Variants in ATXN1 observed in about 807,000 individuals in gnomAD.
The protein encoded by ATXN1 is ataxin-1.
Under a neutral mutation model 56.4 loss-of-function variants are expected in ATXN1, and 8 were observed. The ratio of observed to expected loss-of-function variants is 0.14; its 90% CI spans 0.08 to 0.26. The LOEUF (loss-of-function observed/expected upper bound fraction) is 0.26, where lower values mean the gene tolerates loss of function less well. Among genes scored for constraint, ATXN1 ranks in the 10% least tolerant of loss-of-function variants. The pLI is 1.00. For synonymous variants in ATXN1, 514 were observed against 494.6 expected, an observed-to-expected ratio of 1.04 and a Z score of -0.52; for missense variants, 987 against 1,106.5, an observed-to-expected ratio of 0.89 and a Z score of 1.53.
At chr6:16,656,891 C>T (rs747688625) in intron 3 of ATXN1, among the ~76,000 whole-genome samples, 1 of 151,930 alleles carries the variant, frequency 6.6e-6, no homozygotes, top group African/African-American at 2.4e-5. Context: ...GTAGTGAATA[C>T]TGTAGGCAAC....
chr6:16,322,598 C>T (rs1760679600), intron 7 of ATXN1, among the ~76,000 whole-genome samples: 1 of 152,212 alleles, frequency 6.6e-6, no homozygotes, highest in Non-Finnish European at 1.5e-5. Flanking sequence ...GCAGTGTCAG[C>T]AGTGCCTAAC....
intron 4 of ATXN1, among the ~76,000 whole-genome samples, chr6:16,545,510 G>A (rs770839521): frequency 5.9e-5 from 9 of 152,012 alleles, no homozygotes; most frequent in Non-Finnish European, 1.2e-4. Context: ...ATGCCATCTA[G>A]ACCATAAGGA....
chr6:16,339,362 T>A (rs978296500), intron 6 of ATXN1, among the ~76,000 whole-genome samples: 4 of 152,144 alleles, frequency 2.6e-5, no homozygotes, highest in African/African-American at 9.7e-5. Context: ...CTGTCCTTGG[T>A]GTGGCTGAAT....
rs1390703475 is a variant in ATXN1 at position 16,633,201 on chromosome 6, TTG to T, written c.-489+24573_-489+24574del. On this transcript the variant is annotated intron_variant, in intron 3 of 7. Coordinates refer to ENST00000436367, the MANE Select transcript of ATXN1 (RefSeq NM_001128164.2). ...AAGGAGGCATGTTTCACCTGTTAAC[TTG>T]TTTACTTCATAAGATTCTCTTGTTG... Among the ~76,000 whole-genome samples, 9 of 152,330 alleles carry T rather than the reference TTG, an allele frequency of 5.9e-5. 2 individuals carry two copies. The South Asian group carries it at 1.9e-3, about 32-fold the overall frequency.
intron 6 of ATXN1, among the ~76,000 whole-genome samples, chr6:16,442,995 G>A (rs1195747354): frequency 1.3e-5 from 2 of 151,732 alleles, no homozygotes; most frequent in African/African-American, 4.8e-5. Context: ...CCGGGTGACA[G>A]AGCAAGGCTT....
intron 7 of ATXN1, among the ~76,000 whole-genome samples, chr6:16,317,585 A>G (rs1037364416): frequency 5.3e-5 from 8 of 152,148 alleles, no homozygotes; most frequent in African/African-American, 1.9e-4. Context: ...TCGGCCTCCC[A>G]AAGTGCTGGG....
rs1051746472 is a variant in ATXN1, at chr6:16,541,008, A to G, written c.-360-18320T>C. On this transcript the variant is annotated intron_variant, in intron 4 of 7. Transcript: ENST00000436367. Reference sequence around the variant, plus strand: ...TGTCTAAGGTCATATTGCTTTGAATATGAGCTCATCGTAACTAAACCAGTG... The same window carrying G: ...TGTCTAAGGTCATATTGCTTTGAATGTGAGCTCATCGTAACTAAACCAGTG... Among the ~76,000 whole-genome samples the G allele has an allele frequency of 2.0e-5, 3 of 152,254 alleles. No homozygotes were observed. In the East Asian group the frequency reaches 5.8e-4, roughly 29 times the overall value.
intron 3 of ATXN1, among the ~76,000 whole-genome samples, chr6:16,620,158 G>T (rs145546250): frequency 6.6e-6 from 1 of 151,806 alleles, no homozygotes; most frequent in Non-Finnish European, 1.5e-5. Context: ...GAGAAACCTT[G>T]ATCTTATTTC....
chr6:16,612,613 G>A (rs1416809305), intron 3 of ATXN1, among the ~76,000 whole-genome samples: 5 of 152,068 alleles, frequency 3.3e-5, no homozygotes, highest in Non-Finnish European at 7.4e-5. Flanking sequence ...AAAAGGGGGT[G>A]GGACACGGTG....
chr6:16,590,341 G>T (rs1319595360), intron 3 of ATXN1, among the ~76,000 whole-genome samples: 2 of 152,138 alleles, frequency 1.3e-5, no homozygotes, highest in Non-Finnish European at 2.9e-5. Flanking sequence ...AAAAAAATAA[G>T]AATGAATTGT....
intron 6 of ATXN1, among the ~76,000 whole-genome samples, chr6:16,455,971 T>C (rs990684436): frequency 6.6e-6 from 1 of 151,986 alleles, no homozygotes; most frequent in Non-Finnish European, 1.5e-5. Context: ...CAGGGAGGAT[T>C]GAAAAAAATG....
chr6:16,393,670 CT>C (rs1758399534), intron 6 of ATXN1, among the ~76,000 whole-genome samples: 1 of 152,174 alleles, frequency 6.6e-6, no homozygotes, highest in South Asian at 2.1e-4. Flanking sequence ...GTTTTAAGTC[CT>C]GTTCGGAAAC....
At chr6:16,580,038 T>C (rs1274834902) in intron 4 of ATXN1, among the ~76,000 whole-genome samples, 1 of 152,220 alleles carries the variant, frequency 6.6e-6, no homozygotes, top group Non-Finnish European at 1.5e-5. Context: ...TTTTGGCATA[T>C]AGCTGCTTCT....
At chr6:16,540,860 A>G (rs939290658) in intron 4 of ATXN1, among the ~76,000 whole-genome samples, 4 of 152,216 alleles carry the variant, frequency 2.6e-5, no homozygotes, top group African/African-American at 7.2e-5. Flanking sequence ...CCGTGTTCAT[A>G]GAGTGAAGGT....
At chr6:16,348,154 C>T (rs565481138) in intron 6 of ATXN1, among the ~76,000 whole-genome samples, 5 of 152,282 alleles carry the variant, frequency 3.3e-5, no homozygotes, top group African/African-American at 4.8e-5. Context: ...ACTGTAGCCT[C>T]GACCTCCCTG....
intron 6 of ATXN1, among the ~76,000 whole-genome samples, chr6:16,401,293 T>A (rs1454321559): frequency 6.6e-6 from 1 of 152,156 alleles, no homozygotes; most frequent in Non-Finnish European, 1.5e-5. Flanking sequence ...TCATAAAAGA[T>A]TCAATGTGCC....
At chr6:16,548,185 A>G (rs917540683) in intron 4 of ATXN1, among the ~76,000 whole-genome samples, 7 of 152,250 alleles carry the variant, frequency 4.6e-5, no homozygotes, top group African/African-American at 1.4e-4. Flanking sequence ...GTATTTGTGC[A>G]TTCAAACATA....
chr6:16,592,507 C>T (rs1250042048), intron 3 of ATXN1, among the ~76,000 whole-genome samples: 2 of 152,118 alleles, frequency 1.3e-5, no homozygotes, highest in African/African-American at 4.8e-5. Context: ...CACAGTTAGA[C>T]GTATTAGTCA....
rs1243206488 is a variant in ATXN1 at position 16,308,322 on chromosome 6, T to TCTCACACACA, written c.1918-1464_1918-1463insTGTGTGTGAG. The stretch of plus-strand genomic sequence containing the variant: ...GCCTGGGCGACAGAGTGAAACTCCG[T>TCTCACACACA]CACACACACACACACACACACACAC... On this transcript the variant is annotated intron_variant, in intron 7 of 7. Transcript: ENST00000436367. Among the ~76,000 whole-genome samples the TCTCACACACA allele has an allele frequency of 1.1e-3, 151 of 132,726 alleles. 3 individuals are homozygous for TCTCACACACA. Among genetic ancestry groups the TCTCACACACA allele is most frequent in the East Asian group, 5.5e-3 (21 of 3,784 alleles). 87.1% of individuals were successfully genotyped at this position (132,726 alleles called of 152,430 possible).
Sources: gnomAD v4.1 joint callset for allele counts (sites outside exome capture counted in the v4.1 genomes callset) on GRCh38, gnomAD v4.1.1 for gene constraint, MANE v1.5 for transcripts, NCBI Gene and HGNC (gene_info 2026-07-23, HGNC 2026-07-21) for gene names.